The following CLDN16 variants were observed in gnomAD, a reference collection of about 807,000 sequenced individuals.
CLDN16 encodes the protein claudin 16.
In CLDN16, 13 loss-of-function variants were observed where a neutral mutation model predicts 24.6. The ratio of observed to expected loss-of-function variants is 0.53; its 90% CI spans 0.34 to 0.84. The LOEUF is 0.84. Ranked by LOEUF, CLDN16 falls within the 40% of genes least tolerant of loss-of-function variation. CLDN16 has a pLI of 0.01. For missense variants in CLDN16, 298 were observed against 292.7 expected (o/e 1.02, Z -0.13); for synonymous variants, 116 against 106.7 (o/e 1.09, Z -0.54).
At chr3:190,321,279 C>G (rs1716914954), upstream of CLDN16, among the ~76,000 whole-genome samples, 1 of 152,130 alleles carries the variant, frequency 6.6e-6, no homozygotes, top group Admixed American at 6.5e-5. Flanking sequence ...CACCTGCCAC[C>G]AACCTTCTCT....
At chr3:190,387,306 A>G (rs1718526531), upstream of CLDN16, among the ~76,000 whole-genome samples, 1 of 152,082 alleles carries the variant, frequency 6.6e-6, no homozygotes, top group Non-Finnish European at 1.5e-5. Flanking sequence ...TGCCCCAGTT[A>G]CATATTAAAA....
At chr3:190,368,683 G>A (rs1162814254) in intron 1 of CLDN16, among the ~76,000 whole-genome samples, 1 of 151,924 alleles carries the variant, frequency 6.6e-6, no homozygotes. Flanking sequence ...CTATTTCCTG[G>A]ATGGTTAAAT....
chr3:190,388,211 A>G lies in CLDN16; in HGVS notation c.-119A>G. The stretch of plus-strand genomic sequence containing the variant: ...CTGCAGCAGGGCGTGAGAAAAAGTA[A>G]AAGACCAGTATTTTCACATTGCCAG... On this transcript the variant is annotated 5_prime_UTR_variant, in exon 1 of 5. Coordinates refer to ENST00000264734, the MANE Select transcript of CLDN16 (RefSeq NM_006580.4). 6.2e-7 allele frequency: 1 copy of G among 1,614,090 alleles called. No individual in the cohort carries two copies. Among genetic ancestry groups the G allele is most frequent in the East Asian group, 2.2e-5 (1 of 44,862 alleles).
rs777659077 is a variant in CLDN16 at position 190,388,175 on chromosome 3, A to G, written c.-155A>G. On this transcript the variant is annotated 5_prime_UTR_variant, in exon 1 of 5. Transcript: ENST00000264734. ...GCCTGTTTGTATTATTCTTACTGCAACTCAAGACACCTGCAGCAGGGCGTG... is the reference window on the plus strand; with the variant it reads ...GCCTGTTTGTATTATTCTTACTGCAGCTCAAGACACCTGCAGCAGGGCGTG... 4 of 1,614,004 alleles carry G rather than the reference A, an allele frequency of 2.5e-6. No individual in the cohort carries two copies. The South Asian group carries it at 3.3e-5, about 13-fold the overall frequency.
rs146378166 is a variant in CLDN16, at chr3:190,391,280, T to C, written c.114+2837T>C. 5.2e-3 allele frequency among the ~76,000 whole-genome samples: 784 copies of C among 151,078 alleles called. 6 individuals carry two copies. Among genetic ancestry groups the C allele is most frequent in the African/African-American group, 0.018 (762 of 41,234 alleles). On this transcript the variant is annotated intron_variant, in intron 1 of 4. Transcript: ENST00000264734. ...TTAGAAGAAGAGTTTTGTGGTTCAA[T>C]TCAGTATAAAAATATATACAATTAT...
intron 1 of CLDN16, among the ~76,000 whole-genome samples, chr3:190,328,737 A>G (rs1231161193): frequency 1.3e-5 from 2 of 152,144 alleles, no homozygotes; most frequent in Admixed American, 6.5e-5. Context: ...GGTGAGTTGC[A>G]TCTCAAGTTT....
At chr3:190,387,662 C>T (rs13080849), upstream of CLDN16, among the ~76,000 whole-genome samples, 25,408 of 152,112 alleles carry the variant, frequency 0.17, 2,317 homozygotes, top group Non-Finnish European at 0.2. Flanking sequence ...TCCCACTCTA[C>T]GATGCTGAAA....
the CLDN16 span, among the ~76,000 whole-genome samples, chr3:190,300,853 G>A: frequency 0.58 from 87,857 of 152,014 alleles, 26,070 homozygotes; most frequent in African/African-American, 0.71. Context: ...CAGATTCAGG[G>A]TCAGAATCCA....
At chr3:190,290,624 C>T in the CLDN16 span, among the ~76,000 whole-genome samples, 1 of 152,064 alleles carries the variant, frequency 6.6e-6, no homozygotes, top group South Asian at 2.1e-4. Flanking sequence ...CTTCTTTTGC[C>T]AACTATCTCA....
chr3:190,369,665 C>T (rs1439982582), intron 1 of CLDN16, among the ~76,000 whole-genome samples: 1 of 151,864 alleles, frequency 6.6e-6, no homozygotes, highest in Non-Finnish European at 1.5e-5. Flanking sequence ...TTATGAACAT[C>T]GTTCTATGTC....
chr3:190,298,478 G>A, the CLDN16 span, among the ~76,000 whole-genome samples: 2 of 140,498 alleles, frequency 1.4e-5, no homozygotes, highest in Admixed American at 7.2e-5. Context: ...TATTTGAGAC[G>A]GAGTTTTGCT....
intron 1 of CLDN16, among the ~76,000 whole-genome samples, chr3:190,343,586 C>T (rs1242282730): frequency 6.6e-6 from 1 of 151,958 alleles, no homozygotes; most frequent in Non-Finnish European, 1.5e-5. Context: ...GATAAAAAAT[C>T]TATAGTGTAT....
chr3:190,355,306 C>T (rs552353722), intron 1 of CLDN16, among the ~76,000 whole-genome samples: 3 of 151,810 alleles, frequency 2.0e-5, no homozygotes, highest in Non-Finnish European at 4.4e-5. Context: ...CTAATTCACA[C>T]CAAAATATTG....
intron 1 of CLDN16, among the ~76,000 whole-genome samples, chr3:190,343,784 A>G (rs1371920780): frequency 6.6e-6 from 1 of 152,120 alleles, no homozygotes. Flanking sequence ...AAAAAGAGAT[A>G]GAAAATAAAA....
At chr3:190,331,249 C>T (rs16865387) in intron 1 of CLDN16, among the ~76,000 whole-genome samples, 2,197 of 152,272 alleles carry the variant, frequency 0.014, 56 homozygotes, top group African/African-American at 0.048. Context: ...AACTTTCTTC[C>T]TCTACCGTTG....
the CLDN16 span, chr3:190,313,334 C>T: frequency 5.1e-6 from 2 of 390,518 alleles, no homozygotes; most frequent in Non-Finnish European, 9.5e-6. Flanking sequence ...ATAGGGTTAG[C>T]TGAACTAATA....
At chr3:190,402,271 T>C in intron 1 of CLDN16, 66 bp from the exon 2 acceptor site, 1 of 1,250,168 alleles carries the variant, frequency 8.0e-7, no homozygotes, top group Non-Finnish European at 1.2e-6. Context: ...ACTTCTCTTT[T>C]TGATCAAGGG....
chr3:190,344,991 A>G (rs1717521390), intron 1 of CLDN16, among the ~76,000 whole-genome samples: 1 of 152,216 alleles, frequency 6.6e-6, no homozygotes, highest in African/African-American at 2.4e-5. Flanking sequence ...GGGAAAATAG[A>G]CAAAATTCAG....
At chr3:190,305,278 A>G in the CLDN16 span, among the ~76,000 whole-genome samples, 2 of 152,208 alleles carry the variant, frequency 1.3e-5, no homozygotes, top group African/African-American at 2.4e-5. Context: ...TGAGTGAATG[A>G]GTTCCATCAC....
Sources: gnomAD v4.1 joint callset for allele counts (sites outside exome capture counted in the v4.1 genomes callset) on GRCh38, gnomAD v4.1.1 for gene constraint, MANE v1.5 for transcripts, NCBI Gene and HGNC (gene_info 2026-07-23, HGNC 2026-07-21) for gene names.